The following NDST4 variants were observed in gnomAD, a reference collection of about 807,000 sequenced individuals.
The protein encoded by NDST4 is N-heparan sulfate sulfotransferase 4.
NDST4 carries 63 observed loss-of-function variants against 100.8 expected under a neutral mutation model. The observed-to-expected ratio is 0.62, with a 90% CI of 0.51 to 0.77. The LOEUF is 0.77. Among genes scored for constraint, NDST4 ranks in the 30% least tolerant of loss-of-function variants. The pLI is 0.00. For synonymous variants in NDST4, 377 were observed against 361.8 expected (o/e 1.04, Z -0.48); for missense variants, 943 against 1,018.4 (o/e 0.93, Z 1.01).
chr4:115,097,043 GTTTC>G (rs1320366243), intron 1 of NDST4, among the ~76,000 whole-genome samples: 3 of 152,068 alleles, frequency 2.0e-5, no homozygotes, highest in African/African-American at 2.4e-5. Context: ...GTATATTTCA[GTTTC>G]TTTATGACTT....
chr4:114,965,040 T>C (rs941019909), intron 4 of NDST4, among the ~76,000 whole-genome samples: 4 of 152,158 alleles, frequency 2.6e-5, no homozygotes, highest in African/African-American at 9.6e-5. Context: ...TTATTTGTTA[T>C]TGAACCTCCA....
intron 10 of NDST4, among the ~76,000 whole-genome samples, chr4:114,840,948 CAT>C (rs1723411320): frequency 6.6e-6 from 1 of 152,074 alleles, no homozygotes; most frequent in Non-Finnish European, 1.5e-5. Flanking sequence ...GATATTTTTA[CAT>C]GTGTATACCT....
At chr4:114,884,399 T>G (rs898675628) in intron 6 of NDST4, among the ~76,000 whole-genome samples, 6 of 152,174 alleles carry the variant, frequency 3.9e-5, no homozygotes, top group African/African-American at 1.4e-4. Context: ...AACTGAAAAC[T>G]GCTAGTGAAT....
chr4:114,853,813 T>A (rs1228519705), intron 7 of NDST4, among the ~76,000 whole-genome samples: 1 of 152,152 alleles, frequency 6.6e-6, no homozygotes, highest in Admixed American at 6.5e-5. Flanking sequence ...ACTTAATTTT[T>A]AATTTTTTAA....
Position 114,931,002 on chromosome 4 carries a change from A to G in NDST4, c.1536+4204T>C, listed in dbSNP as rs147126122. Among the ~76,000 whole-genome samples, 1,134 of 152,168 alleles carry G rather than the reference A, an allele frequency of 7.5e-3. 10 individuals carry two copies. Among genetic ancestry groups the G allele is most frequent in the South Asian group, 0.012 (58 of 4,828 alleles). ...AAGCACACAAAGATAATACAAAACTATCTAGTTTCAATTCAGCTTTATATT... is the reference window on the plus strand; with the variant it reads ...AAGCACACAAAGATAATACAAAACTGTCTAGTTTCAATTCAGCTTTATATT... On this transcript the variant is annotated intron_variant, in intron 6 of 13. Coordinates refer to ENST00000264363, the MANE Select transcript of NDST4 (RefSeq NM_022569.3).
chr4:114,875,109 G>C (rs918506791), intron 6 of NDST4, among the ~76,000 whole-genome samples: 12 of 152,130 alleles, frequency 7.9e-5, no homozygotes, highest in African/African-American at 2.9e-4. Context: ...AGAATAAGAT[G>C]TTCAGTATGT....
intron 2 of NDST4, among the ~76,000 whole-genome samples, chr4:114,989,254 C>T (rs888647757): frequency 1.3e-5 from 2 of 152,134 alleles, no homozygotes; most frequent in African/African-American, 2.4e-5. Flanking sequence ...CATTTCCCAA[C>T]AAGAGACAGA....
intron 2 of NDST4, among the ~76,000 whole-genome samples, chr4:115,007,163 C>T (rs1485899045): frequency 6.6e-6 from 1 of 152,122 alleles, no homozygotes; most frequent in Non-Finnish European, 1.5e-5. Context: ...AATAACACTA[C>T]ATGTAAATAA....
chr4:114,998,156 C>A (rs1353166025), intron 2 of NDST4, among the ~76,000 whole-genome samples: 1 of 152,074 alleles, frequency 6.6e-6, no homozygotes, highest in Admixed American at 6.6e-5. Context: ...TCCTGTCATG[C>A]CCTCTAGTTT....
chr4:114,843,051 A>G (rs1224711159), intron 10 of NDST4, among the ~76,000 whole-genome samples: 1 of 152,056 alleles, frequency 6.6e-6, no homozygotes, highest in East Asian at 1.9e-4. Flanking sequence ...TCATCAAATC[A>G]TATATCATAT....
chr4:114,980,146 T>A (rs1209070379), intron 2 of NDST4, among the ~76,000 whole-genome samples: 2 of 152,198 alleles, frequency 1.3e-5, no homozygotes, highest in East Asian at 3.9e-4. Flanking sequence ...AATATGGATA[T>A]AAATTTAAGA....
chr4:114,858,277 GT>G (rs1318727026), intron 7 of NDST4, among the ~76,000 whole-genome samples: 1 of 152,194 alleles, frequency 6.6e-6, no homozygotes, highest in Non-Finnish European at 1.5e-5. Context: ...GGTTTGACAT[GT>G]ATTCCAAACA....
intron 11 of NDST4, among the ~76,000 whole-genome samples, chr4:114,838,718 G>A (rs1421838637): frequency 6.6e-6 from 1 of 152,074 alleles, no homozygotes; most frequent in Non-Finnish European, 1.5e-5. Flanking sequence ...CCTAATGTAG[G>A]TGACGGATTG....
chr4:115,003,288 A>G (rs1393422883), intron 2 of NDST4, among the ~76,000 whole-genome samples: 3 of 152,174 alleles, frequency 2.0e-5, no homozygotes, highest in Non-Finnish European at 2.9e-5. Flanking sequence ...AATCAAACAA[A>G]ATTTAAGATT....
intron 2 of NDST4, among the ~76,000 whole-genome samples, chr4:115,045,124 C>T (rs1728437723): frequency 6.6e-6 from 1 of 151,864 alleles, no homozygotes; most frequent in African/African-American, 2.4e-5. Flanking sequence ...TAAGAGAAAT[C>T]CACAAAAATA....
intron 2 of NDST4, among the ~76,000 whole-genome samples, chr4:114,986,793 CATATATATATATATAT>C (rs59806494): frequency 0.014 from 1,276 of 91,122 alleles, 78 homozygotes; most frequent in East Asian, 0.062. Context: ...TCCAATTATA[CATATATATATATATAT>C]ATATATATAT....
At chr4:115,016,386 G>C (rs1727677386) in intron 2 of NDST4, among the ~76,000 whole-genome samples, 1 of 152,032 alleles carries the variant, frequency 6.6e-6, no homozygotes, top group Non-Finnish European at 1.5e-5. Context: ...GAGGAAGTAG[G>C]AATGACATCA....
At chr4:114,951,341 T>C (rs1030740678) in intron 4 of NDST4, among the ~76,000 whole-genome samples, 1 of 152,088 alleles carries the variant, frequency 6.6e-6, no homozygotes, top group Non-Finnish European at 1.5e-5. Context: ...GGGTTATGGA[T>C]AGATGGAGAA....
rs1378537570 is a variant in NDST4, at chr4:115,010,386, A to G, written c.979-33112T>C. ...AAAGGATGAGTTCATGTCCTCTGTA[A>G]GGACATGGATGAAATTTGAAATCAT... is the stretch of plus-strand genomic sequence containing the variant. On this transcript the variant is annotated intron_variant, in intron 2 of 13. Coordinates refer to ENST00000264363, the MANE Select transcript of NDST4 (RefSeq NM_022569.3). Among the ~76,000 whole-genome samples the G allele has an allele frequency of 1.6e-5, 2 of 128,752 alleles. 1 individual carries two copies. The highest frequency in any genetic ancestry group is 3.3e-5 in the Non-Finnish European group (2 of 60,126). The allele number at this position is 128,752 out of a possible 152,430, so 84.5% of individuals were successfully genotyped here. A position where few individuals can be genotyped will look rare whatever the true frequency, so the allele number is the denominator to read the frequency against.
Sources: gnomAD v4.1 joint callset for allele counts (sites outside exome capture counted in the v4.1 genomes callset) on GRCh38, gnomAD v4.1.1 for gene constraint, MANE v1.5 for transcripts, NCBI Gene and HGNC (gene_info 2026-07-23, HGNC 2026-07-21) for gene names.